Variants in TTC39B observed in about 807,000 individuals in gnomAD.
TTC39B encodes tetratricopeptide repeat domain 39B, also known as tetratricopeptide repeat protein 39B.
A neutral mutation model predicts 96.6 loss-of-function variants in TTC39B; 92 were observed. The ratio of observed to expected loss-of-function variants is 0.95; its 90% CI spans 0.80 to 1.13. The LOEUF (loss-of-function observed/expected upper bound fraction) is 1.13, where lower values mean the gene tolerates loss of function less well. TTC39B is among the 50% of genes most tolerant of loss of function. The pLI is 0.00. For synonymous variants in TTC39B, 367 were observed against 299.4 expected (o/e 1.23, Z -2.33); for missense variants, 955 against 809.3 (o/e 1.18, Z -2.18).
chr9:15,205,528 G>A (rs1350065211), intron 6 of TTC39B, among the ~76,000 whole-genome samples: 1 of 152,106 alleles, frequency 6.6e-6, no homozygotes, highest in East Asian at 1.9e-4. Flanking sequence ...AGAAAGATGG[G>A]GCCAAAGCCA....
At chr9:15,266,653 C>A (rs1236588355) in intron 2 of TTC39B, among the ~76,000 whole-genome samples, 1 of 152,262 alleles carries the variant, frequency 6.6e-6, no homozygotes, top group Non-Finnish European at 1.5e-5. Flanking sequence ...CCTCTACCCC[C>A]ACCTGTACAT....
At chr9:15,175,750 A>C (rs1426179584) in intron 18 of TTC39B, among the ~76,000 whole-genome samples, 8 of 152,226 alleles carry the variant, frequency 5.3e-5, no homozygotes, top group Non-Finnish European at 1.0e-4. Context: ...ATGTGGGATG[A>C]TGCTGAATGA....
chr9:15,275,765 A>G (rs1823520293), intron 1 of TTC39B, among the ~76,000 whole-genome samples: 2 of 152,210 alleles, frequency 1.3e-5, no homozygotes, highest in African/African-American at 2.4e-5. Flanking sequence ...TCTACAGTTG[A>G]GAGAACAATA....
At chr9:15,222,537 C>T (rs1256932116) in intron 3 of TTC39B, among the ~76,000 whole-genome samples, 3 of 152,182 alleles carry the variant, frequency 2.0e-5, no homozygotes, top group African/African-American at 7.2e-5. Context: ...TTTGCCGTAA[C>T]CTTCATGATT....
At chr9:15,186,662 C>T in intron 15 of TTC39B, 1 of 243,800 alleles carries the variant, frequency 4.1e-6, no homozygotes, top group Non-Finnish European at 7.8e-6. Flanking sequence ...ATGGCTTTTA[C>T]TAATGTTGAT....
intron 1 of TTC39B, among the ~76,000 whole-genome samples, chr9:15,291,028 C>A (rs1563792928): frequency 6.6e-6 from 1 of 152,178 alleles, no homozygotes; most frequent in Non-Finnish European, 1.5e-5. Flanking sequence ...TAATGGATTA[C>A]CGAGGTAAAG....
At chr9:15,307,052 G>C (rs1443714109) in intron 1 of TTC39B, 32 bp downstream of exon 1, 1 of 1,604,446 alleles carries the variant, frequency 6.2e-7, no homozygotes. Context: ...AGGGCTTCAG[G>C]GGCCGGGCCC....
chr9:15,266,764 G>A (rs1488930448), intron 2 of TTC39B, among the ~76,000 whole-genome samples: 3 of 152,188 alleles, frequency 2.0e-5, no homozygotes, highest in African/African-American at 7.2e-5. Context: ...GGGTCCTCAG[G>A]ATAGGATTAA....
intron 3 of TTC39B, among the ~76,000 whole-genome samples, chr9:15,215,794 G>A (rs144743675): frequency 0.063 from 9,533 of 152,004 alleles, 719 homozygotes; most frequent in African/African-American, 0.18. Context: ...AACCTGGAAG[G>A]CAGAGGTTGC....
intron 2 of TTC39B, among the ~76,000 whole-genome samples, chr9:15,254,855 AC>A (rs1822692865): frequency 1.4e-5 from 2 of 139,012 alleles, no homozygotes; most frequent in African/African-American, 6.3e-5. Context: ...ACACACACAC[AC>A]ACACAAACAC....
intron 7 of TTC39B, among the ~76,000 whole-genome samples, chr9:15,202,207 T>A (rs1457345034): frequency 1.3e-5 from 2 of 152,126 alleles, no homozygotes; most frequent in Non-Finnish European, 2.9e-5. Flanking sequence ...GATTGCCAAA[T>A]CCCTGTTTGG....
chr9:15,172,302 G>C (rs1817705561), intron 19 of TTC39B, among the ~76,000 whole-genome samples, 193 bp from the exon 20 acceptor site: 1 of 152,016 alleles, frequency 6.6e-6, no homozygotes, highest in Non-Finnish European at 1.5e-5. Flanking sequence ...TGCATTTCTA[G>C]AAGCTTCCTG....
chr9:15,249,154 T>G (rs1308423698), intron 2 of TTC39B: 1 of 152,134 alleles, frequency 6.6e-6, no homozygotes, highest in African/African-American at 2.4e-5. Flanking sequence ...CACTCACTAA[T>G]TCAGCAAGGA....
chr9:15,182,372 C>T (rs781381791), exon 17 of TTC39B: 2 of 1,611,830 alleles, frequency 1.2e-6, no homozygotes, highest in South Asian at 2.2e-5. Flanking sequence ...AAGGTCTTTT[C>T]TTTTGCTCAC....
At chr9:15,238,072 G>C (rs951996963) in intron 2 of TTC39B, among the ~76,000 whole-genome samples, 1 of 152,094 alleles carries the variant, frequency 6.6e-6, no homozygotes, top group Admixed American at 6.5e-5. Flanking sequence ...ATGCCTTCCT[G>C]ATAAAAACCT....
intron 1 of TTC39B, among the ~76,000 whole-genome samples, chr9:15,274,539 AAGCAAG>A (rs1314165746): frequency 6.6e-6 from 1 of 152,212 alleles, no homozygotes; most frequent in African/African-American, 2.4e-5. Flanking sequence ...ATTAGCATCA[AAGCAAG>A]TCCTTTGTGA....
intron 2 of TTC39B, among the ~76,000 whole-genome samples, chr9:15,248,299 G>T (rs1332304179): frequency 1.3e-5 from 2 of 152,108 alleles, no homozygotes; most frequent in East Asian, 3.8e-4. Flanking sequence ...CTGACCACAT[G>T]CTTGCTGAAC....
rs1222023869 is a variant in TTC39B, at chr9:15,306,695, A to C, written c.240+389T>G. 6.6e-6 allele frequency among the ~76,000 whole-genome samples: 1 copy of C among 152,186 alleles called. No homozygotes were observed. Among genetic ancestry groups the C allele is most frequent in the Non-Finnish European group, 1.5e-5 (1 of 68,028 alleles). On this transcript the variant is annotated intron_variant, in intron 1 of 19. Transcript: ENST00000512701. This position sits in a 1 kb window ranked among gnomAD's most constrained non-coding sequence, Gnocchi z 5.1. ...GGGATGATTCCACGAACACCCAGAGAGCCAGTGCCAGGACTTCAGGGTCAG... is the reference window on the plus strand; with the variant it reads ...GGGATGATTCCACGAACACCCAGAGCGCCAGTGCCAGGACTTCAGGGTCAG...
chr9:15,207,812 G>A (rs1036227891), intron 6 of TTC39B, among the ~76,000 whole-genome samples: 2 of 150,882 alleles, frequency 1.3e-5, no homozygotes, highest in Admixed American at 6.6e-5. Context: ...GTGAAACCCC[G>A]TCTCTACTAA....
Sources: gnomAD v4.1 joint callset for allele counts (sites outside exome capture counted in the v4.1 genomes callset) on GRCh38, gnomAD v4.1.1 for gene constraint, Gnocchi (gnomAD v3.1) non-coding constraint, MANE v1.5 for transcripts, NCBI Gene and HGNC (gene_info 2026-07-23, HGNC 2026-07-21) for gene names.